The following R3HDM2 variants were observed in gnomAD, a reference collection of about 807,000 sequenced individuals.
R3HDM2 encodes the protein R3H domain containing 2.
In R3HDM2, 38 loss-of-function variants were observed where a neutral mutation model predicts 124.5. That is an observed-to-expected ratio of 0.31 (90% CI 0.24 to 0.40). R3HDM2 has a LOEUF of 0.40. Ranked by LOEUF, R3HDM2 falls within the 10% of genes least tolerant of loss-of-function variation. The probability of loss-of-function intolerance (pLI) is 1.00; values close to 1 mark genes in which losing one functional copy is unlikely to be tolerated. For synonymous variants in R3HDM2, 391 were observed against 448.0 expected (o/e 0.87, Z 1.61); for missense variants, 869 against 1,236.9 (o/e 0.70, Z 4.46).
intron 2 of R3HDM2, among the ~76,000 whole-genome samples, chr12:57,370,564 C>T (rs1416994032): frequency 2.0e-5 from 3 of 151,984 alleles, no homozygotes; most frequent in Non-Finnish European, 2.9e-5. Context: ...TGCTTGAACC[C>T]GGGAGGTGGA....
At chr12:57,317,943 G>GCA (rs1016919576) in intron 2 of R3HDM2, among the ~76,000 whole-genome samples, 12 of 148,094 alleles carry the variant, frequency 8.1e-5, no homozygotes, top group Non-Finnish European at 1.6e-4. Context: ...CTGCACCATT[G>GCA]CACTCCAGCC....
intron 14 of R3HDM2, among the ~76,000 whole-genome samples, chr12:57,277,336 G>A (rs1394397116): frequency 1.3e-5 from 2 of 152,102 alleles, no homozygotes; most frequent in East Asian, 1.9e-4. Context: ...TTGGACAGAG[G>A]AGCCCTGCCA....
chr12:57,397,166 G>A (rs1797245276), intron 1 of R3HDM2, among the ~76,000 whole-genome samples: 1 of 152,108 alleles, frequency 6.6e-6, no homozygotes, highest in Non-Finnish European at 1.5e-5. Context: ...AGAAGTAGAA[G>A]CAAAAAGAGG....
intron 2 of R3HDM2, among the ~76,000 whole-genome samples, chr12:57,358,704 T>C (rs2061562208): frequency 6.6e-6 from 1 of 152,114 alleles, no homozygotes; most frequent in African/African-American, 2.4e-5. Context: ...AGATATGGTC[T>C]ATTTTAGTAA....
chr12:57,292,674 C>T lies in R3HDM2; in HGVS notation c.811-7G>A, dbSNP rs1049899156. The T allele has an allele frequency of 6.5e-7, 1 of 1,537,944 alleles. No homozygotes were observed. The highest frequency in any genetic ancestry group is 8.8e-7 in the Non-Finnish European group (1 of 1,137,486). On this transcript the variant is annotated splice_polypyrimidine_tract_variant and splice_region_variant and intron_variant, in intron 10 of 23. Transcript: ENST00000402412. Reference sequence around the variant, plus strand: ...CCTGCAATGGAACTCTGATCTAGATCGATGAGCAGAATTAAGCTAGTTAAG... The same window carrying T: ...CCTGCAATGGAACTCTGATCTAGATTGATGAGCAGAATTAAGCTAGTTAAG...
intron 2 of R3HDM2, among the ~76,000 whole-genome samples, chr12:57,345,500 TAC>T (rs55903347): frequency 0.038 from 5,660 of 147,492 alleles, 115 homozygotes; most frequent in African/African-American, 0.066. Flanking sequence ...ATTTCTTTTA[TAC>T]ACACACACAC....
chr12:57,280,291 A>G (rs2045828542), intron 14 of R3HDM2, 67 bp downstream of exon 14: 2 of 1,499,504 alleles, frequency 1.3e-6, no homozygotes, highest in Non-Finnish European at 1.8e-6. Context: ...CACAAGAGAC[A>G]TGACGGTACA....
intron 2 of R3HDM2, among the ~76,000 whole-genome samples, chr12:57,392,953 T>A (rs2066936828): frequency 6.8e-6 from 1 of 147,226 alleles, no homozygotes; most frequent in African/African-American, 2.5e-5. Flanking sequence ...TACAGGCACC[T>A]GCCACCACGC....
At chr12:57,416,815 C>T (rs1043774266) in intron 1 of R3HDM2, among the ~76,000 whole-genome samples, 16 of 144,342 alleles carry the variant, frequency 1.1e-4, no homozygotes, top group Non-Finnish European at 2.3e-4. Flanking sequence ...CCCCCCCGCC[C>T]CACAAAAAAA....
Position 57,410,544 on chromosome 12 carries a change from G to A in R3HDM2, c.-105-14726C>T, listed in dbSNP as rs568181363. 3.3e-5 allele frequency among the ~76,000 whole-genome samples: 5 copies of A among 152,234 alleles called. No individual in the cohort carries two copies. In the East Asian group the frequency reaches 7.7e-4, roughly 24 times the overall value. On this transcript the variant is annotated intron_variant, in intron 1 of 23. Coordinates refer to ENST00000402412, the MANE Select transcript of R3HDM2 (RefSeq NM_001394031.1). ...ATCCATCCAGGTGAAGTGTTAAGAAGTATATTTATTAAGAAGTATGTTTAG... is the reference window on the plus strand; with the variant it reads ...ATCCATCCAGGTGAAGTGTTAAGAAATATATTTATTAAGAAGTATGTTTAG...
chr12:57,429,325 AG>A (rs1375721717), intron 1 of R3HDM2, among the ~76,000 whole-genome samples: 3 of 152,256 alleles, frequency 2.0e-5, no homozygotes, highest in Non-Finnish European at 4.4e-5. Flanking sequence ...CAGGCCTTCA[AG>A]AAAAAAGTTA....
At chr12:57,278,518 G>C (rs2045386927) in intron 14 of R3HDM2, among the ~76,000 whole-genome samples, 1 of 152,024 alleles carries the variant, frequency 6.6e-6, no homozygotes, top group African/African-American at 2.4e-5. Context: ...GAAAATATTA[G>C]GACCTTGGAA....
intron 1 of R3HDM2, among the ~76,000 whole-genome samples, chr12:57,428,557 A>T (rs1228623814): frequency 6.6e-6 from 1 of 151,782 alleles, no homozygotes; most frequent in East Asian, 1.9e-4. Context: ...CAGGAGGCTG[A>T]GGCAGGAGAA....
At chr12:57,330,387 C>T (rs1055408156) in intron 2 of R3HDM2, among the ~76,000 whole-genome samples, 7 of 151,426 alleles carry the variant, frequency 4.6e-5, no homozygotes, top group African/African-American at 7.3e-5. Context: ...CTCGTTGCCC[C>T]GGCTGGAGTT....
intron 2 of R3HDM2, among the ~76,000 whole-genome samples, chr12:57,346,517 A>T (rs189230116): frequency 6.6e-6 from 1 of 152,252 alleles, no homozygotes; most frequent in Admixed American, 6.5e-5. Flanking sequence ...CATTTTTTTT[A>T]AAGTGCTAAA....
At chr12:57,381,544 C>CAAA (rs66778122) in intron 2 of R3HDM2, among the ~76,000 whole-genome samples, 3 of 76,602 alleles carry the variant, frequency 3.9e-5, no homozygotes, top group Non-Finnish European at 5.6e-5. Flanking sequence ...GACTCCATCT[C>CAAA]AAAAAAAAAA....
At chr12:57,392,804 CTTT>C (rs1183514418) in intron 2 of R3HDM2, among the ~76,000 whole-genome samples, 20 of 127,504 alleles carry the variant, frequency 1.6e-4, no homozygotes, top group Admixed American at 2.6e-4. Context: ...CTATAGTACA[CTTT>C]TTTTTTTTTT....
At chr12:57,332,597 TA>T (rs1372931647) in intron 2 of R3HDM2, among the ~76,000 whole-genome samples, 1 of 152,074 alleles carries the variant, frequency 6.6e-6, no homozygotes, top group East Asian at 1.9e-4. Context: ...TCATTCAAAA[TA>T]AAGCTTAGCA....
rs190169676 is a variant in R3HDM2 at position 57,306,081 on chromosome 12, G to A, written c.166-2864C>T. Reference sequence around the variant, plus strand: ...AGGAGGTCAGGATAAGAATATTAAGGTGGGCATTCCAGGCAGAGAAAGCAT... The same window carrying A: ...AGGAGGTCAGGATAAGAATATTAAGATGGGCATTCCAGGCAGAGAAAGCAT... On this transcript the variant is annotated intron_variant, in intron 3 of 23. Transcript: ENST00000402412. Among the ~76,000 whole-genome samples the A allele has an allele frequency of 4.6e-5, 7 of 152,282 alleles. No individual in the cohort carries two copies. In the East Asian group the frequency reaches 1.2e-3, roughly 25 times the overall value.
Sources: gnomAD v4.1 joint callset for allele counts (sites outside exome capture counted in the v4.1 genomes callset) on GRCh38, gnomAD v4.1.1 for gene constraint, MANE v1.5 for transcripts, NCBI Gene and HGNC (gene_info 2026-07-23, HGNC 2026-07-21) for gene names.